The following CHD4 variants were observed in gnomAD, a reference collection of about 807,000 sequenced individuals.
CHD4 encodes ATP-dependent chromatin remodeler CHD4.
Under a neutral mutation model 235.5 loss-of-function variants are expected in CHD4, and 35 were observed. That is an observed-to-expected ratio of 0.15 (90% confidence interval 0.11 to 0.20). CHD4 has a LOEUF of 0.20. CHD4 is among the 10% of genes least tolerant of loss of function. CHD4 has a pLI of 1.00. For synonymous variants in CHD4, 900 were observed against 850.2 expected (o/e 1.06, Z -1.02); for missense variants, 1,329 against 2,432.3 (o/e 0.55, Z 9.54).
At chr12:6,587,584 C>T (rs370820351) in intron 24 of CHD4, 25 bp from the exon 25 acceptor site, 1 of 1,612,144 alleles carries the variant, frequency 6.2e-7, no homozygotes, top group South Asian at 1.1e-5. Context: ...GGGCCCACAT[C>T]CCCAAAGTCA....
chr12:6,606,909 G>A (rs533210327), intron 1 of CHD4: 3 of 151,962 alleles, frequency 2.0e-5, no homozygotes, highest in African/African-American at 7.2e-5. Flanking sequence ...TTCTCCTCAA[G>A]AGCTGCGGGG....
In CHD4 at chr12:6,591,837, T is replaced by C. The variant is rs372315525; in HGVS notation, c.3091-12A>G. 6.8e-6 allele frequency: 11 copies of C among 1,613,718 alleles called. No individual in the cohort carries two copies. In the East Asian group the frequency reaches 8.9e-5, roughly 13 times the overall value. On this transcript the variant is annotated splice_polypyrimidine_tract_variant and intron_variant, in intron 20 of 39. Coordinates refer to ENST00000544040, the MANE Select transcript of CHD4 (RefSeq NM_001273.5). ...ATCTTAGGAGCTTCCTGAGAACAAA[T>C]GCAAAGAAAAAAGTATTAAAAGAAA...
intron 10 of CHD4, 92 bp from the exon 11 acceptor site, chr12:6,598,517 G>A: frequency 8.9e-7 from 1 of 1,129,704 alleles, no homozygotes. Context: ...GGACGATTCA[G>A]ATCTCATTTC....
At chr12:6,581,448 T>A (rs1413551221) in intron 31 of CHD4, 60 bp from the exon 32 acceptor site, 1 of 1,569,198 alleles carries the variant, frequency 6.4e-7, no homozygotes, top group Admixed American at 1.7e-5. Context: ...GAGAAGGTCA[T>A]TTCTTCCCAG....
At chr12:6,571,173 C>T (rs931027003) in intron 38 of CHD4, 141 bp from the exon 39 acceptor site, 48 of 989,248 alleles carry the variant, frequency 4.9e-5, no homozygotes, top group Non-Finnish European at 6.5e-5. Flanking sequence ...TGACCTCCAC[C>T]ATGTTCAAAT....
chr12:6,580,915 G>A (rs915317534), intron 33 of CHD4, 129 bp downstream of exon 33: 4 of 976,800 alleles, frequency 4.1e-6, no homozygotes, highest in African/African-American at 1.6e-5. Flanking sequence ...GGTGAGGCAG[G>A]AGAATCGCTC....
At chr12:6,578,600 G>A (rs917345701) in intron 34 of CHD4, 54 bp from the exon 35 acceptor site, 8 of 1,604,024 alleles carry the variant, frequency 5.0e-6, no homozygotes, top group African/African-American at 4.0e-5. Flanking sequence ...CAGCACCATC[G>A]CCCTTACCCA....
Position 6,591,903 on chromosome 12 carries a change from T to A in CHD4, c.3090+13A>T. ...ACCCAACCCAGGGAGGAACAGGAGATGGCACTACATACCATTGCAGCCACA... is the reference window on the plus strand; with the variant it reads ...ACCCAACCCAGGGAGGAACAGGAGAAGGCACTACATACCATTGCAGCCACA... On this transcript the variant is annotated intron_variant, in intron 20 of 39. Transcript: ENST00000544040. The A allele has an allele frequency of 6.2e-7, 1 of 1,614,176 alleles. No homozygotes were observed. The highest frequency in any genetic ancestry group is 8.5e-7 in the Non-Finnish European group (1 of 1,180,014).
At chr12:6,587,093 A>C (rs1948311937) in intron 25 of CHD4, 1 of 362,542 alleles carries the variant, frequency 2.8e-6, no homozygotes, top group African/African-American at 2.1e-5. Context: ...TAGCATTCAA[A>C]ATTTCATTTG....
chr12:6,585,813 A>G (rs1189064367), intron 25 of CHD4, among the ~76,000 whole-genome samples: 1 of 149,890 alleles, frequency 6.7e-6, no homozygotes, highest in Non-Finnish European at 1.5e-5. Context: ...ACACACACAA[A>G]GAGGCCAGGC....
rs74790047 is a variant in CHD4, at chr12:6,601,978, A to C, written c.420T>G (p.Asp140Glu). 3,021 of 1,506,598 alleles carry C rather than the reference A, an allele frequency of 2.0e-3. 24 individuals carry two copies. The East Asian group carries it at 0.035, about 17-fold the overall frequency. 93.3% of individuals were successfully genotyped at this position (1,506,598 alleles called of 1,614,324 possible). Reference protein sequence around the residue: ...SKRKEEEEEEDDDDDSKEPKS... With the variant: ...SKRKEEEEEEEDDDDSKEPKS... ...CAGGCACCTTTGAATCATCATCATC[A>C]TCCTCCTCCTCCTCCTCCTCCTTCC... Residue 140 changes from aspartate to glutamate, a missense_variant, in exon 4 of 40, where the codon GAT (aspartate) becomes GAG (glutamate). Asp to Glu is a conservative substitution (Grantham distance 45, BLOSUM62 2). This residue lies in a region of CHD4 where 213 missense variants were observed against 177.5 expected (regional missense o/e 1.20). Coordinates refer to ENST00000544040, the MANE Select transcript of CHD4 (RefSeq NM_001273.5).
intron 12 of CHD4, among the ~76,000 whole-genome samples, chr12:6,596,634 T>C (rs1222515040): frequency 6.6e-6 from 1 of 151,822 alleles, no homozygotes; most frequent in Non-Finnish European, 1.5e-5. Context: ...ACCCCGTCTC[T>C]ACTAAAAATG....
rs773897725 is a variant in CHD4 at position 6,578,511 on chromosome 12, TCAC to T, written c.5014_5016del (p.Val1672del). 11 of 1,612,582 alleles carry T rather than the reference TCAC, an allele frequency of 6.8e-6. No individual in the cohort carries two copies. In the South Asian group the frequency reaches 1.1e-4, roughly 16 times the overall value. ...TTGGGGGTCTCTCCATTCTGAAGCA[TCAC>T]CTCTTTTTTCTCTTCTTCTTCTTTC... On this transcript the variant is annotated inframe_deletion, in exon 35 of 40. Coordinates refer to ENST00000544040, the MANE Select transcript of CHD4 (RefSeq NM_001273.5).
In CHD4 at chr12:6,588,416, C is replaced by T. The variant is rs745966223; in HGVS notation, c.3347G>A (p.Gly1116Asp). The T allele has an allele frequency of 6.2e-7, 1 of 1,613,612 alleles. No homozygotes were observed. Among genetic ancestry groups the T allele is most frequent in the Non-Finnish European group, 8.5e-7 (1 of 1,179,870 alleles). The change falls in exon 23 of 40, where the codon GGT becomes GAT. Residue 1116 changes from glycine to aspartate, a missense_variant. Physicochemically the swap from Gly to Asp is moderately conservative, Grantham distance 94. Transcript: ENST00000544040. Reference sequence around the variant, plus strand: ...AAGCAAGAAGCAGAACTGCTGAGCACCCGGTGCTAATAAAAGAACCAAAAA... The same window carrying T: ...AAGCAAGAAGCAGAACTGCTGAGCATCCGGTGCTAATAAAAGAACCAAAAA... The part of the protein sequence containing the change: ...QEAIDRFNAP[G>D]AQQFCFLLST...
At position 6,593,104 on chromosome 12, in the gene CHD4, T is replaced by C; in HGVS notation, c.2639A>G (p.Asn880Ser). 6.2e-7 allele frequency: 1 copy of C among 1,614,116 alleles called. No individual in the cohort carries two copies. The highest frequency in any genetic ancestry group is 8.5e-7 in the Non-Finnish European group (1 of 1,180,034). Residue 880 changes from asparagine (N) to serine (S), a missense_variant, in exon 17 of 40, where the codon AAC becomes AGC. Coordinates refer to ENST00000544040, the MANE Select transcript of CHD4 (RefSeq NM_001273.5). This position sits in a 1 kb window ranked among gnomAD's most constrained non-coding sequence, Gnocchi z 4.9. Reference sequence around the variant, plus strand: ...CTCAGCCCTCACCTTAGACTGATTGTTCTTCAGCCGATGGGCTTCATCCAC... The same window carrying C: ...CTCAGCCCTCACCTTAGACTGATTGCTCTTCAGCCGATGGGCTTCATCCAC... Reference protein sequence around the residue: ...LIVDEAHRLKNNQSKFFRVLN... With the variant: ...LIVDEAHRLKSNQSKFFRVLN...
At chr12:6,603,971 A>G (rs1948644004) in intron 2 of CHD4, among the ~76,000 whole-genome samples, 1 of 152,168 alleles carries the variant, frequency 6.6e-6, no homozygotes, top group Non-Finnish European at 1.5e-5. Flanking sequence ...AGCAGGACCT[A>G]GACAGTGGTA....
intron 37 of CHD4, among the ~76,000 whole-genome samples, chr12:6,574,528 A>G (rs79262687): frequency 0.024 from 3,684 of 152,318 alleles, 155 homozygotes; most frequent in African/African-American, 0.084. Flanking sequence ...TTCATAAAAC[A>G]TATGACTCAA....
rs1362446196 is a variant in CHD4 at position 6,599,875 on chromosome 12, T to C, written c.1380A>G (p.Glu460=). 3 of 1,613,984 alleles carry C rather than the reference T, an allele frequency of 1.9e-6. No individual in the cohort carries two copies. Among genetic ancestry groups the C allele is most frequent in the East Asian group, 2.2e-5 (1 of 44,850 alleles). ...AAGGACAGGTATCACAGCAGAGCAG[T>C]TCCCCACCATCCTTGCAGACCCGAC... ...EFCRVCKDGG[E]LLCCDTCPSS... is the part of the protein sequence containing the mutation. The change falls in exon 10 of 40, where the codon GAA becomes GAG. Residue 460 remains glutamate (E), a synonymous_variant. Coordinates refer to ENST00000544040, the MANE Select transcript of CHD4 (RefSeq NM_001273.5).
chr12:6,583,469 T>C (rs1948228804), intron 25 of CHD4, 91 bp from the exon 26 acceptor site: 1 of 1,117,590 alleles, frequency 8.9e-7, no homozygotes, highest in Non-Finnish European at 1.3e-6. Flanking sequence ...TGCTAGCTCC[T>C]TTTCATGACT....
Sources: gnomAD v4.1 joint callset for allele counts (sites outside exome capture counted in the v4.1 genomes callset) on GRCh38, gnomAD v4.1.1 for gene constraint, gnomAD v4.1.1 regional missense constraint, Gnocchi (gnomAD v3.1) non-coding constraint, MANE v1.5 for transcripts, NCBI Gene and HGNC (gene_info 2026-07-23, HGNC 2026-07-21) for gene names.